ELF2: variants seen among roughly 807,000 people sequenced by gnomAD.
ELF2 encodes E74 like ETS transcription factor 2.
Under a neutral mutation model 54.8 loss-of-function variants are expected in ELF2, and 11 were observed. That is an observed-to-expected ratio of 0.20 (90% CI 0.13 to 0.33). The LOEUF is 0.33. Ranked by LOEUF, ELF2 falls within the 10% of genes least tolerant of loss-of-function variation. The pLI, the probability that ELF2 is intolerant of heterozygous loss-of-function variation, is 1.00. For missense variants in ELF2, 513 were observed against 703.0 expected (o/e 0.73, Z 3.06); for synonymous variants, 203 against 245.1 (o/e 0.83, Z 1.61).
intron 4 of ELF2, among the ~76,000 whole-genome samples, chr4:139,074,103 G>C (rs916888175): frequency 6.6e-6 from 1 of 152,122 alleles, no homozygotes; most frequent in African/African-American, 2.4e-5. Flanking sequence ...GCTCCAGCCT[G>C]GGCGACAGAG....
chr4:139,147,529 T>C (rs1241773128), intron 1 of ELF2, among the ~76,000 whole-genome samples: 1 of 152,210 alleles, frequency 6.6e-6, no homozygotes, highest in Non-Finnish European at 1.5e-5. Context: ...TGGAGAGCAG[T>C]GGCGCGATCT....
At chr4:139,164,193 A>G (rs1466280630) in intron 1 of ELF2, among the ~76,000 whole-genome samples, 1 of 149,694 alleles carries the variant, frequency 6.7e-6, no homozygotes, top group Non-Finnish European at 1.5e-5. Flanking sequence ...AGGGAGATGA[A>G]AAGAAAGAGA....
intron 4 of ELF2, among the ~76,000 whole-genome samples, chr4:139,074,565 T>C (rs559905239): frequency 6.6e-5 from 10 of 151,654 alleles, no homozygotes; most frequent in Non-Finnish European, 1.3e-4. Flanking sequence ...ATCGAGACCA[T>C]CCTGACAAAC....
chr4:139,084,204 C>T (rs374513033), intron 4 of ELF2: 42 of 1,613,038 alleles, frequency 2.6e-5, no homozygotes, highest in Non-Finnish European at 3.5e-5. Context: ...TATCCCGGGG[C>T]TGGAGCTGCT....
intron 4 of ELF2, chr4:139,115,510 G>A (rs1162085683): frequency 3.2e-5 from 17 of 537,988 alleles, no homozygotes; most frequent in South Asian, 8.0e-5. Context: ...GCAGCATGCG[G>A]AGCCCCCGGG....
rs1729570212 is a variant in ELF2 at position 139,071,939 on chromosome 4, T to G, written c.453A>C (p.Glu151Asp). The G allele has an allele frequency of 6.2e-7, 1 of 1,613,848 alleles. No homozygotes were observed. The highest frequency in any genetic ancestry group is 1.7e-5 in the Admixed American group (1 of 59,932). The change falls in exon 6 of 10, where the codon GAA (glutamate) becomes GAC (aspartate). Residue 151 changes from glutamate to aspartate, a missense_variant. Physicochemically the swap from Glu to Asp is conservative, Grantham distance 45. Around this residue, in one of 3 missense-constraint regions of ELF2, gnomAD observed 203 missense variants for 245.9 expected, o/e 0.83. Transcript: ENST00000686138. ...GAGAGGTATCCATGGGTTCAGACTC[T>G]TCAGTTGACACCTCCACTACAGTTT... is the stretch of plus-strand genomic sequence containing the variant. Reference protein sequence around the residue: ...ITETVVEVSTEESEPMDTSPI... With the variant: ...ITETVVEVSTDESEPMDTSPI...
At chr4:139,153,271 C>T (rs1740199032) in intron 1 of ELF2, among the ~76,000 whole-genome samples, 2 of 151,852 alleles carry the variant, frequency 1.3e-5, no homozygotes, top group African/African-American at 4.8e-5. Flanking sequence ...CCCATCTCTA[C>T]TAAAAATACA....
At chr4:139,135,944 G>A (rs796990087) in intron 3 of ELF2, among the ~76,000 whole-genome samples, 16 of 152,294 alleles carry the variant, frequency 1.1e-4, no homozygotes, top group African/African-American at 3.6e-4. Context: ...GAGTATTCCA[G>A]AAACAAACTG....
At chr4:139,153,088 A>T (rs1468570567) in intron 1 of ELF2, among the ~76,000 whole-genome samples, 1 of 152,004 alleles carries the variant, frequency 6.6e-6, no homozygotes, top group Non-Finnish European at 1.5e-5. Flanking sequence ...TATCCCCTTT[A>T]TTACATAAAG....
At chr4:139,158,440 G>T (rs994016639) in intron 1 of ELF2, among the ~76,000 whole-genome samples, 1 of 152,074 alleles carries the variant, frequency 6.6e-6, no homozygotes, top group Non-Finnish European at 1.5e-5. Context: ...TTGGGGCAGC[G>T]AAAATTTTTG....
chr4:139,148,428 T>C (rs1252783786), intron 1 of ELF2, among the ~76,000 whole-genome samples: 1 of 148,620 alleles, frequency 6.7e-6, no homozygotes, highest in African/African-American at 2.5e-5. Flanking sequence ...CCTCCTGCCT[T>C]GGCCTCCCAA....
intron 4 of ELF2, among the ~76,000 whole-genome samples, chr4:139,123,433 C>A (rs976541480): frequency 6.6e-6 from 1 of 152,116 alleles, no homozygotes; most frequent in South Asian, 2.1e-4. Context: ...CAAATGATAT[C>A]ATTACCCTCA....
chr4:139,118,182 C>G (rs1735949034), intron 4 of ELF2, among the ~76,000 whole-genome samples: 1 of 151,982 alleles, frequency 6.6e-6, no homozygotes, highest in Non-Finnish European at 1.5e-5. Flanking sequence ...CTTCAAGGTG[C>G]TTATACACTC....
chr4:139,073,618 T>A, intron 4 of ELF2, 51 bp from the exon 5 acceptor site: 1 of 989,164 alleles, frequency 1.0e-6, no homozygotes, highest in Non-Finnish European at 1.4e-6. Context: ...AACACATGAC[T>A]AAAACATATT....
At chr4:139,147,425 A>G (rs1739327961) in intron 1 of ELF2, among the ~76,000 whole-genome samples, 1 of 152,222 alleles carries the variant, frequency 6.6e-6, no homozygotes, top group Non-Finnish European at 1.5e-5. Flanking sequence ...ACACTTATGC[A>G]CTGCTAGTGG....
chr4:139,171,059 T>A (rs1327842988), intron 1 of ELF2, among the ~76,000 whole-genome samples: 1 of 151,804 alleles, frequency 6.6e-6, no homozygotes, highest in Non-Finnish European at 1.5e-5. Flanking sequence ...ACAACCCAAT[T>A]TTAAAAGGAG....
chr4:139,176,536 C>T (rs911841011), intron 1 of ELF2, among the ~76,000 whole-genome samples: 8 of 152,116 alleles, frequency 5.3e-5, no homozygotes, highest in African/African-American at 1.9e-4. Flanking sequence ...CGGAGCCGGA[C>T]CCCCGCCCTG....
intron 3 of ELF2, among the ~76,000 whole-genome samples, chr4:139,129,742 T>C (rs1476654755): frequency 6.6e-6 from 1 of 152,206 alleles, no homozygotes; most frequent in Non-Finnish European, 1.5e-5. Flanking sequence ...ACAATAGAAA[T>C]AGTCTTCAAA....
chr4:139,157,944 T>C (rs1460046391), intron 1 of ELF2, among the ~76,000 whole-genome samples: 3 of 152,194 alleles, frequency 2.0e-5, no homozygotes, highest in African/African-American at 2.4e-5. Flanking sequence ...ATTCTAAATA[T>C]ACTCTGGATA....
Sources: allele counts gnomAD v4.1 joint callset (sites outside exome capture counted in the v4.1 genomes callset), GRCh38; gene constraint gnomAD v4.1.1; regional missense constraint gnomAD v4.1.1; transcripts MANE v1.5; gene names NCBI Gene and HGNC (gene_info 2026-07-23, HGNC 2026-07-21).